The following SLC8A1 variants were observed in gnomAD, a reference collection of about 807,000 sequenced individuals.
SLC8A1 encodes the protein solute carrier family 8 member A1, also known as sodium/calcium exchanger 1.
Under a neutral mutation model 68.3 loss-of-function variants are expected in SLC8A1, and 18 were observed. The ratio of observed to expected loss-of-function variants is 0.26; its 90% CI spans 0.18 to 0.39. SLC8A1 has a LOEUF of 0.39. Ranked by LOEUF, SLC8A1 falls within the 10% of genes least tolerant of loss-of-function variation. The probability of loss-of-function intolerance (pLI) is 1.00; values close to 1 mark genes in which losing one functional copy is unlikely to be tolerated. For missense variants in SLC8A1, 985 were observed against 1,156.7 expected (o/e 0.85, Z 2.15); for synonymous variants, 475 against 415.5 (o/e 1.14, Z -1.74).
At chr2:40,454,153 G>T (rs1478130691), upstream of SLC8A1, among the ~76,000 whole-genome samples, 2 of 152,082 alleles carry the variant, frequency 1.3e-5, no homozygotes, top group African/African-American at 2.4e-5. Context: ...CAGATATTTG[G>T]CTCACACTCA....
chr2:40,218,640 C>A (rs1424680063), intron 2 of SLC8A1, among the ~76,000 whole-genome samples: 1 of 151,728 alleles, frequency 6.6e-6, no homozygotes, highest in African/African-American at 2.4e-5. Context: ...GCATATAGAC[C>A]TTAGCTTATG....
chr2:40,361,585 T>C (rs1674648265), intron 2 of SLC8A1, among the ~76,000 whole-genome samples: 1 of 151,976 alleles, frequency 6.6e-6, no homozygotes, highest in Non-Finnish European at 1.5e-5. Flanking sequence ...CAATCTGAAG[T>C]GCAATCAAGA....
chr2:40,382,776 T>G (rs1272726603), intron 2 of SLC8A1, among the ~76,000 whole-genome samples: 4 of 152,124 alleles, frequency 2.6e-5, no homozygotes, highest in African/African-American at 9.7e-5. Flanking sequence ...AAAATAGAAG[T>G]GAGTAAATGT....
intron 2 of SLC8A1, among the ~76,000 whole-genome samples, chr2:40,367,418 C>A (rs994107315): frequency 6.6e-6 from 1 of 152,050 alleles, no homozygotes; most frequent in African/African-American, 2.4e-5. Context: ...TCCATGGTAT[C>A]GCTACACACA....
chr2:40,410,014 G>C (rs900219281), intron 2 of SLC8A1, among the ~76,000 whole-genome samples: 47 of 152,042 alleles, frequency 3.1e-4, no homozygotes, highest in Non-Finnish European at 5.9e-5. Flanking sequence ...GGAAAAAAAG[G>C]GGGAGGGGAG....
At chr2:40,458,389 A>G (rs1309104640) in intron 1 of SLC8A1, among the ~76,000 whole-genome samples, 1 of 152,036 alleles carries the variant, frequency 6.6e-6, no homozygotes, top group African/African-American at 2.4e-5. Flanking sequence ...TTTATTCCTC[A>G]GCATCTAGAG....
chr2:40,310,124 A>G (rs1196950962), intron 2 of SLC8A1, among the ~76,000 whole-genome samples: 1 of 152,206 alleles, frequency 6.6e-6, no homozygotes, highest in Non-Finnish European at 1.5e-5. Flanking sequence ...CATGTCATAC[A>G]TGTATCTGTA....
chr2:40,284,441 A>C (rs997460336), intron 2 of SLC8A1, among the ~76,000 whole-genome samples: 3 of 143,422 alleles, frequency 2.1e-5, no homozygotes, highest in Admixed American at 2.1e-4. Flanking sequence ...ATATATCTAT[A>C]TATAAATGTA....
chr2:40,436,437 A>G (rs1190175895), intron 1 of SLC8A1, among the ~76,000 whole-genome samples: 1 of 152,126 alleles, frequency 6.6e-6, no homozygotes, highest in East Asian at 1.9e-4. Flanking sequence ...GGAAGAGAGG[A>G]AACACATGAT....
chr2:40,500,603 A>G (rs6739385), intron 1 of SLC8A1, among the ~76,000 whole-genome samples: 3,329 of 152,112 alleles, frequency 0.022, 109 homozygotes, highest in African/African-American at 0.072. Flanking sequence ...TGAACTAAGT[A>G]TTCATTTATT....
chr2:40,441,095 G>A (rs1372633419), intron 1 of SLC8A1, among the ~76,000 whole-genome samples: 1 of 152,066 alleles, frequency 6.6e-6, no homozygotes, highest in Non-Finnish European at 1.5e-5. Context: ...GAAACAAAAT[G>A]GATGTGCAAA....
At chr2:40,415,834 T>C (rs1221065858) in intron 2 of SLC8A1, among the ~76,000 whole-genome samples, 1 of 142,814 alleles carries the variant, frequency 7.0e-6, no homozygotes, top group African/African-American at 2.6e-5. Flanking sequence ...GCCAACATGG[T>C]GAAACCCCAT....
intron 2 of SLC8A1, among the ~76,000 whole-genome samples, chr2:40,428,088 T>C (rs948016195): frequency 3.3e-5 from 5 of 152,148 alleles, no homozygotes; most frequent in African/African-American, 4.8e-5. Flanking sequence ...TAGAGACCTA[T>C]TGTGATGTTT....
chr2:40,442,327 A>G (rs1700650498), intron 1 of SLC8A1, among the ~76,000 whole-genome samples: 1 of 151,090 alleles, frequency 6.6e-6, no homozygotes, highest in African/African-American at 2.4e-5. Context: ...ACAGAATGGG[A>G]GAAAAACTTT....
At chr2:40,277,558 A>G (rs2066887101) in intron 2 of SLC8A1, among the ~76,000 whole-genome samples, 1 of 151,960 alleles carries the variant, frequency 6.6e-6, no homozygotes, top group African/African-American at 2.4e-5. Flanking sequence ...AAACCAAAAC[A>G]GATAATAATA....
intron 2 of SLC8A1, among the ~76,000 whole-genome samples, chr2:40,340,883 C>G (rs752177462): frequency 3.9e-5 from 6 of 152,062 alleles, no homozygotes; most frequent in Non-Finnish European, 7.4e-5. Context: ...CTCTCTCTAC[C>G]CAAATACACT....
chr2:40,432,444 C>T (rs1003873461), intron 1 of SLC8A1, among the ~76,000 whole-genome samples: 1 of 87,838 alleles, frequency 1.1e-5, no homozygotes, highest in Non-Finnish European at 2.7e-5. Context: ...TGTGTATACA[C>T]GTGGGATGCA....
chr2:40,326,470 G>A (rs759696013), intron 2 of SLC8A1, among the ~76,000 whole-genome samples: 3 of 151,970 alleles, frequency 2.0e-5, no homozygotes, highest in Non-Finnish European at 2.9e-5. Context: ...GGTGAAGAAA[G>A]GGAACATCAG....
intron 2 of SLC8A1, among the ~76,000 whole-genome samples, chr2:40,236,412 A>G (rs1406325129): frequency 1.3e-5 from 2 of 152,204 alleles, no homozygotes. Flanking sequence ...ATCAGAGACT[A>G]GGATTGCAAA....
Sources: allele counts gnomAD v4.1 joint callset (sites outside exome capture counted in the v4.1 genomes callset), GRCh38; gene constraint gnomAD v4.1.1; transcripts MANE v1.5; gene names NCBI Gene and HGNC (gene_info 2026-07-23, HGNC 2026-07-21).